The following GARS1 variants were observed in gnomAD, a reference collection of about 807,000 sequenced individuals.
GARS1 encodes glycyl-tRNA synthetase 1.
GARS1 carries 46 observed loss-of-function variants against 86.4 expected under a neutral mutation model. The ratio of observed to expected loss-of-function variants is 0.53; its 90% confidence interval spans 0.42 to 0.68. The LOEUF is 0.68. Ranked by LOEUF, GARS1 falls within the 30% of genes least tolerant of loss-of-function variation. The pLI is 0.00. For synonymous variants in GARS1, 342 were observed against 329.8 expected (o/e 1.04, Z -0.40); for missense variants, 797 against 915.6 (o/e 0.87, Z 1.67).
chr7:30,594,801 G>A (rs1176243889), upstream of GARS1: 1 of 826,574 alleles, frequency 1.2e-6, no homozygotes, highest in African/African-American at 1.7e-5. Flanking sequence ...GTCACGCGGT[G>A]GTGAATGTGC....
upstream of GARS1, chr7:30,594,826 C>T: frequency 9.3e-7 from 1 of 1,080,946 alleles, no homozygotes; most frequent in Non-Finnish European, 1.3e-6. Context: ...GCACGCGCGC[C>T]GCGTCGTTTA....
chr7:30,622,422 T>C lies in GARS1; in HGVS notation c.1573T>C (p.Cys525Arg), dbSNP rs752812365. The C allele has an allele frequency of 1.4e-5, 22 of 1,613,956 alleles. No individual in the cohort carries two copies. Among genetic ancestry groups the C allele is most frequent in the Non-Finnish European group, 1.6e-5 (19 of 1,180,000 alleles). Residue 525 changes from cysteine to arginine, a missense_variant, in exon 12 of 17, where the codon TGC (cysteine) becomes CGC (arginine). Transcript: ENST00000389266. Reference sequence around the variant, plus strand: ...GGAGTATCTTGCCATTTGTGATGAGTGCTACATTACAGAAATGGAGATGCT... The same window carrying C: ...GGAGTATCTTGCCATTTGTGATGAGCGCTACATTACAGAAATGGAGATGCT... Reference protein sequence around the residue: ...VMEYLAICDECYITEMEMLLN... With the variant: ...VMEYLAICDERYITEMEMLLN...
At chr7:30,633,587 G>A in intron 16 of GARS1, 148 bp from the exon 17 acceptor site, 1 of 866,852 alleles carries the variant, frequency 1.2e-6, no homozygotes, top group South Asian at 1.4e-5. Flanking sequence ...GGGGGAACTG[G>A]TGGGCGTTTT....
intron 9 of GARS1, 32 bp from the exon 10 acceptor site, chr7:30,617,081 TC>T (rs1418430242): frequency 6.2e-7 from 1 of 1,611,676 alleles, no homozygotes. Context: ...TGTTTTCTTT[TC>T]TTCCTCCATG....
chr7:30,616,449 A>G (rs1158352071), intron 9 of GARS1, among the ~76,000 whole-genome samples: 1 of 152,244 alleles, frequency 6.6e-6, no homozygotes, highest in Non-Finnish European at 1.5e-5. Flanking sequence ...AAGGCCTTGC[A>G]TATAAGCACT....
chr7:30,614,820 G>C (rs997177970), intron 8 of GARS1, among the ~76,000 whole-genome samples: 4 of 149,458 alleles, frequency 2.7e-5, no homozygotes, highest in Non-Finnish European at 4.4e-5. Context: ...AGCTTGCAGT[G>C]AGCCGAGATC....
Position 30,632,532 on chromosome 7 carries a change from CT to C in GARS1, c.2094+104del, listed in dbSNP as rs149008938. On this transcript the variant is annotated intron_variant, in intron 16 of 16. Coordinates refer to ENST00000389266, the MANE Select transcript of GARS1 (RefSeq NM_002047.4). This position sits in a 1 kb window ranked among gnomAD's most constrained non-coding sequence, Gnocchi z 4.1. ...TTTTGATGTGTTTATGCTCCCTTTC[CT>C]TTTTTTTTCTTTTTAATTTTAATGA... The C allele has an allele frequency of 1.1e-4, 141 of 1,260,054 alleles. No homozygotes were observed. The highest frequency in any genetic ancestry group is 1.8e-4 in the Admixed American group (10 of 54,288). The allele number at this position is 1,260,054 out of a possible 1,614,324, so 78.1% of individuals were successfully genotyped here.
chr7:30,616,477 G>A (rs1483927838), intron 9 of GARS1, among the ~76,000 whole-genome samples: 1 of 152,212 alleles, frequency 6.6e-6, no homozygotes, highest in Non-Finnish European at 1.5e-5. Flanking sequence ...TATTTGCCTG[G>A]AGAAGTGAGT....
chr7:30,617,460 G>A (rs925876724), intron 10 of GARS1, among the ~76,000 whole-genome samples, 182 bp downstream of exon 10: 19 of 152,194 alleles, frequency 1.2e-4, no homozygotes, highest in African/African-American at 4.6e-4. Context: ...TAAGGAGCTC[G>A]TTGTAGTCTT....
Position 30,598,790 on chromosome 7 carries a change from G to C in GARS1, c.223-6G>C, listed in dbSNP as rs1372918248. On this transcript the variant is annotated splice_region_variant and splice_polypyrimidine_tract_variant and intron_variant, in intron 1 of 16. Coordinates refer to ENST00000389266, the MANE Select transcript of GARS1 (RefSeq NM_002047.4). ...ATCCTGAATATAAATTCTCTTTCTT[G>C]GCTAGGGAGATCTTGTGCGAAAACT... The C allele has an allele frequency of 6.2e-7, 1 of 1,608,080 alleles. No homozygotes were observed. Among genetic ancestry groups the C allele is most frequent in the Non-Finnish European group, 8.5e-7 (1 of 1,174,684 alleles).
At chr7:30,631,567 C>T in intron 15 of GARS1, 26 bp downstream of exon 15, 1 of 1,430,998 alleles carries the variant, frequency 7.0e-7, no homozygotes, top group South Asian at 1.1e-5. Context: ...TGGGTAAACT[C>T]CATGGGAACA....
intron 13 of GARS1, among the ~76,000 whole-genome samples, chr7:30,628,317 TG>T (rs1584051140): frequency 6.6e-6 from 1 of 152,236 alleles, no homozygotes; most frequent in East Asian, 1.9e-4. Context: ...CCGGAGTAGC[TG>T]GGATTACACG....
At chr7:30,617,390 G>C in intron 10 of GARS1, 112 bp downstream of exon 10, 1 of 1,295,974 alleles carries the variant, frequency 7.7e-7, no homozygotes, top group Non-Finnish European at 1.1e-6. Context: ...GAAAAGAAAA[G>C]AGATCTTTTC....
intron 9 of GARS1, 59 bp downstream of exon 9, chr7:30,616,117 G>A (rs1782885918): frequency 1.9e-6 from 3 of 1,572,540 alleles, no homozygotes; most frequent in Non-Finnish European, 1.7e-6. Context: ...GCAGCAATTA[G>A]CAAATTCTAT....
In GARS1 at chr7:30,621,487, C is replaced by T. The variant is rs1159290036; in HGVS notation, c.1454C>T (p.Pro485Leu). 3.7e-6 allele frequency: 6 copies of T among 1,613,864 alleles called. No homozygotes were observed. The highest frequency in any genetic ancestry group is 5.1e-6 in the Non-Finnish European group (6 of 1,179,752). Reference protein sequence around the residue: ...ATKVPLVAEKPLKEPKTVNVV... With the variant: ...ATKVPLVAEKLLKEPKTVNVV... Reference sequence around the variant, plus strand: ...AAAGTCCCACTTGTAGCTGAGAAACCTCTGAAAGAACCCATATCCTTTCTG... The same window carrying T: ...AAAGTCCCACTTGTAGCTGAGAAACTTCTGAAAGAACCCATATCCTTTCTG... The change falls in exon 11 of 17, where the codon CCT becomes CTT. Residue 485 changes from proline to leucine, a missense_variant. This residue lies in a region of GARS1 where 598 missense variants were observed against 738.7 expected (regional missense o/e 0.81). Transcript: ENST00000389266.
Position 30,599,817 on chromosome 7 carries a change from C to T in GARS1, c.325-130C>T, listed in dbSNP as rs1261416439. ...GACCTATGGCTTCTATTGTTTTTAA[C>T]CTATCAAAATCTTGTCTGTTTGATA... On this transcript the variant is annotated intron_variant, in intron 2 of 16. Coordinates refer to ENST00000389266, the MANE Select transcript of GARS1 (RefSeq NM_002047.4). 3 of 638,116 alleles carry T rather than the reference C, an allele frequency of 4.7e-6. No homozygotes were observed. The East Asian group carries it at 8.1e-5, about 17-fold the overall frequency. 39.5% of individuals were successfully genotyped at this position (638,116 alleles called of 1,614,324 possible). A position where few individuals can be genotyped will look rare whatever the true frequency, so the allele number is the denominator to read the frequency against.
In GARS1 at chr7:30,628,597, C is replaced by T. The variant is rs752464405; in HGVS notation, c.1737C>T (p.Phe579=). Residue 579 remains phenylalanine (F), a synonymous_variant, in exon 14 of 17, where the codon TTC becomes TTT. Coordinates refer to ENST00000389266, the MANE Select transcript of GARS1 (RefSeq NM_002047.4). ...TTCCGAATGTAATTGAACCTTCCTT[C>T]GGCCTGGGTAGGATCATGTATACGG... ...EVVPNVIEPS[F]GLGRIMYTVF... The T allele has an allele frequency of 1.4e-5, 22 of 1,612,840 alleles. No individual in the cohort carries two copies. Among genetic ancestry groups the T allele is most frequent in the Middle Eastern group, 1.6e-4 (1 of 6,072 alleles).
At chr7:30,629,479 A>G (rs1783195116) in intron 14 of GARS1, among the ~76,000 whole-genome samples, 1 of 152,190 alleles carries the variant, frequency 6.6e-6, no homozygotes. Context: ...AGCCAACCAG[A>G]AGAATGGCTA....
intron 1 of GARS1, among the ~76,000 whole-genome samples, chr7:30,598,012 T>A (rs949117114): frequency 2.0e-5 from 3 of 152,156 alleles, no homozygotes; most frequent in African/African-American, 7.2e-5. Flanking sequence ...AGGAAAAAAT[T>A]CCAACTGTAA....
Sources: gnomAD v4.1 joint callset for allele counts (sites outside exome capture counted in the v4.1 genomes callset) on GRCh38, gnomAD v4.1.1 for gene constraint, gnomAD v4.1.1 regional missense constraint, Gnocchi (gnomAD v3.1) non-coding constraint, MANE v1.5 for transcripts, NCBI Gene and HGNC (gene_info 2026-07-23, HGNC 2026-07-21) for gene names.